ACTR3C: variants seen among roughly 807,000 people sequenced by gnomAD.
ACTR3C encodes the protein actin-related protein 3C.
Under a neutral mutation model 26.3 loss-of-function variants are expected in ACTR3C, and 18 were observed. The ratio of observed to expected loss-of-function variants is 0.68; its 90% CI spans 0.47 to 1.01. The LOEUF (loss-of-function observed/expected upper bound fraction) is 1.01. Ranked by LOEUF, ACTR3C falls within the 50% of genes least tolerant of loss-of-function variation. The pLI, the probability that ACTR3C is intolerant of heterozygous loss-of-function variation, is 0.00. For synonymous variants in ACTR3C, 55 were observed against 94.5 expected, an observed-to-expected ratio of 0.58 and a Z score of 2.42; for missense variants, 184 against 250.7, an observed-to-expected ratio of 0.73 and a Z score of 1.80.
At chr7:150,313,181 G>T (rs989524066) in intron 1 of ACTR3C, among the ~76,000 whole-genome samples, 1 of 151,852 alleles carries the variant, frequency 6.6e-6, no homozygotes, top group Admixed American at 6.6e-5. Context: ...ACCTCCCTTC[G>T]CTGACTCTCT....
chr7:150,202,372 TTTTACTGTTACTA>T, the ACTR3C span, among the ~76,000 whole-genome samples: 1 of 152,250 alleles, frequency 6.6e-6, no homozygotes, highest in East Asian at 1.9e-4. Context: ...TTGTAGCTTT[TTTTACTGTTACTA>T]TTTGATTCTG....
the ACTR3C span, among the ~76,000 whole-genome samples, chr7:149,904,286 C>T: frequency 1.3e-4 from 19 of 150,470 alleles, no homozygotes; most frequent in East Asian, 3.7e-3. Flanking sequence ...AATCCCAGCA[C>T]GCTGGGGAGC....
At chr7:150,315,108 A>G (rs1191155658) in intron 1 of ACTR3C, among the ~76,000 whole-genome samples, 1 of 147,182 alleles carries the variant, frequency 6.8e-6, no homozygotes. Flanking sequence ...TATTTATATT[A>G]TTTATTTTAT....
chr7:150,223,472 G>C, the ACTR3C span, among the ~76,000 whole-genome samples: 2 of 143,824 alleles, frequency 1.4e-5, no homozygotes, highest in Non-Finnish European at 3.0e-5. Flanking sequence ...GGTAGATGCA[G>C]GGTTTTTTTG....
At chr7:150,183,746 T>C in the ACTR3C span, among the ~76,000 whole-genome samples, 3 of 145,808 alleles carry the variant, frequency 2.1e-5, no homozygotes, top group Non-Finnish European at 3.0e-5. Flanking sequence ...CACCTGAATG[T>C]ACCTTTACAC....
the ACTR3C span, among the ~76,000 whole-genome samples, chr7:150,131,946 C>G: frequency 1.3e-5 from 2 of 152,182 alleles, no homozygotes; most frequent in African/African-American, 2.4e-5. Flanking sequence ...GTGAAAGAAG[C>G]CAGCCATGAA....
At chr7:149,912,479 G>A in the ACTR3C span, among the ~76,000 whole-genome samples, 6 of 143,128 alleles carry the variant, frequency 4.2e-5, no homozygotes, top group Admixed American at 1.4e-4. Context: ...TCGTGACCGA[G>A]GCAAACTAAC....
the ACTR3C span, among the ~76,000 whole-genome samples, chr7:150,183,876 G>A: frequency 3.5e-3 from 531 of 149,990 alleles, 33 homozygotes; most frequent in African/African-American, 0.013. Flanking sequence ...TTCCCCCCAG[G>A]CTGTTCTTGT....
intron 6 of ACTR3C, among the ~76,000 whole-genome samples, chr7:150,271,281 T>C (rs1336740271): frequency 2.7e-5 from 4 of 146,670 alleles, no homozygotes; most frequent in Non-Finnish European, 2.9e-5. Context: ...GGTGGTTTGC[T>C]GCACCCACCA....
the ACTR3C span, among the ~76,000 whole-genome samples, chr7:150,034,743 G>C: frequency 3.3e-5 from 5 of 151,232 alleles, no homozygotes; most frequent in African/African-American, 1.2e-4. Flanking sequence ...GGGTCCTAAG[G>C]ATCCTAGGAT....
At chr7:150,092,989 T>G in the ACTR3C span, among the ~76,000 whole-genome samples, 1 of 151,546 alleles carries the variant, frequency 6.6e-6, no homozygotes, top group African/African-American at 2.4e-5. Flanking sequence ...GTGAAGCTAT[T>G]GAGATGTAGG....
At chr7:150,189,212 C>A in the ACTR3C span, among the ~76,000 whole-genome samples, 1 of 151,862 alleles carries the variant, frequency 6.6e-6, no homozygotes, top group Non-Finnish European at 1.5e-5. Flanking sequence ...AATAAATTTA[C>A]TAGAGTTTAA....
the ACTR3C span, among the ~76,000 whole-genome samples, chr7:149,927,531 C>A: frequency 6.6e-6 from 1 of 151,676 alleles, no homozygotes. Context: ...GAGTTCAAGA[C>A]CGGCCTGACC....
At chr7:150,073,538 T>C in the ACTR3C span, 1 of 148,200 alleles carries the variant, frequency 6.7e-6, no homozygotes, top group Admixed American at 6.8e-5. Context: ...TTAATTTCCT[T>C]TAGAACTCCC....
At chr7:150,229,639 G>A in the ACTR3C span, among the ~76,000 whole-genome samples, 8,647 of 149,200 alleles carry the variant, frequency 0.058, 462 homozygotes, top group African/African-American at 0.14. Flanking sequence ...CGTGCACCAC[G>A]ACACACAGCT....
the ACTR3C span, among the ~76,000 whole-genome samples, chr7:150,140,867 T>C: frequency 6.6e-6 from 1 of 152,370 alleles, no homozygotes; most frequent in South Asian, 2.1e-4. Flanking sequence ...TTAGCCAAGT[T>C]GTGAGTGCAA....
chr7:150,017,025 C>G, the ACTR3C span, among the ~76,000 whole-genome samples: 1 of 152,130 alleles, frequency 6.6e-6, no homozygotes, highest in East Asian at 1.9e-4. Context: ...ATCTTGGATG[C>G]TGATTAAGTA....
chr7:150,093,519 T>A, the ACTR3C span, among the ~76,000 whole-genome samples: 1 of 150,964 alleles, frequency 6.6e-6, no homozygotes, highest in African/African-American at 2.5e-5. Context: ...TCTGCAGTCA[T>A]CTGGTCCCTA....
At chr7:150,047,664 GCGCCGCCGC>G in the ACTR3C span, 121 of 1,014,048 alleles carry the variant, frequency 1.2e-4, no homozygotes, top group Admixed American at 5.3e-4. Context: ...CCGGCCATCC[GCGCCGCCGC>G]CGCCGCCGCC....
Sources: allele counts gnomAD v4.1 joint callset (sites outside exome capture counted in the v4.1 genomes callset), GRCh38; gene constraint gnomAD v4.1.1; transcripts MANE v1.5; gene names NCBI Gene and HGNC (gene_info 2026-07-23, HGNC 2026-07-21).